The following STARD13 variants were observed in gnomAD, a reference collection of about 807,000 sequenced individuals.
STARD13 encodes stAR-related lipid transfer protein 13.
Under a neutral mutation model 106.4 loss-of-function variants are expected in STARD13, and 62 were observed. The observed-to-expected ratio is 0.58, with a 90% CI of 0.48 to 0.72. STARD13 has a LOEUF of 0.72. Ranked by LOEUF, STARD13 falls within the 30% of genes least tolerant of loss-of-function variation. The probability of loss-of-function intolerance (pLI) is 0.00; values close to 1 mark genes in which losing one functional copy is unlikely to be tolerated. For synonymous variants in STARD13, 565 were observed against 553.0 expected (o/e 1.02, Z -0.31); for missense variants, 1,387 against 1,424.0 (o/e 0.97, Z 0.42).
the STARD13 span, among the ~76,000 whole-genome samples, chr13:33,513,974 TAACCTCTAATA>T: frequency 7.9e-5 from 12 of 152,194 alleles, no homozygotes; most frequent in African/African-American, 2.9e-4. Context: ...AAAAATATTT[TAACCTCTAATA>T]AAATATATCT....
chr13:33,594,599 A>G, the STARD13 span, among the ~76,000 whole-genome samples: 1 of 152,174 alleles, frequency 6.6e-6, no homozygotes, highest in Non-Finnish European at 1.5e-5. Context: ...TTGTTGTGCA[A>G]TCATCACCAT....
At chr13:33,356,531 T>C in the STARD13 span, among the ~76,000 whole-genome samples, 1 of 152,204 alleles carries the variant, frequency 6.6e-6, no homozygotes, top group African/African-American at 2.4e-5. Context: ...CCGCACCTAC[T>C]AGCTGTGTAA....
intron 1 of STARD13, among the ~76,000 whole-genome samples, chr13:33,266,284 A>G (rs1197320996): frequency 6.6e-6 from 1 of 152,250 alleles, no homozygotes; most frequent in Non-Finnish European, 1.5e-5. Context: ...TACATGACAT[A>G]ATTATTGATC....
chr13:33,559,732 C>T, the STARD13 span, among the ~76,000 whole-genome samples: 1 of 151,462 alleles, frequency 6.6e-6, no homozygotes, highest in Non-Finnish European at 1.5e-5. Context: ...TGGCATGCGC[C>T]TGTAGTCCCA....
At chr13:33,290,580 T>C (rs1460141409), upstream of STARD13, among the ~76,000 whole-genome samples, 3 of 152,262 alleles carry the variant, frequency 2.0e-5, no homozygotes. Flanking sequence ...AGCTCTCATC[T>C]GGAGTCCAGA....
chr13:33,162,807 C>A (rs1882789031), intron 3 of STARD13, among the ~76,000 whole-genome samples: 3 of 151,942 alleles, frequency 2.0e-5, no homozygotes, highest in Admixed American at 2.0e-4. Context: ...TCCAAACTTT[C>A]CCACATTTTC....
Position 33,251,360 on chromosome 13 carries a change from G to A in STARD13, c.169+34110C>T, listed in dbSNP as rs138885762. Reference sequence around the variant, plus strand: ...AAGGAAGTATCTGGGCCTTATGCTCGCTGCATTGCCCCTCTTTCCAAGTGA... The same window carrying A: ...AAGGAAGTATCTGGGCCTTATGCTCACTGCATTGCCCCTCTTTCCAAGTGA... On this transcript the variant is annotated intron_variant, in intron 1 of 13. Coordinates refer to ENST00000336934, the MANE Select transcript of STARD13 (RefSeq NM_178006.4). Among the ~76,000 whole-genome samples the A allele has an allele frequency of 5.0e-3, 754 of 152,222 alleles. 1 individual carries two copies. Among genetic ancestry groups the A allele is most frequent in the Non-Finnish European group, 7.2e-3 (487 of 68,018 alleles).
the STARD13 span, among the ~76,000 whole-genome samples, chr13:33,673,605 C>A: frequency 2.8e-5 from 4 of 143,280 alleles, no homozygotes; most frequent in African/African-American, 8.3e-5. Context: ...TGCAGTGGCA[C>A]AATCTTGGCT....
chr13:33,117,434 C>T (rs57815017), intron 8 of STARD13: 355 of 203,180 alleles, frequency 1.7e-3, no homozygotes, highest in African/African-American at 8.1e-3. Context: ...CTAATACCCC[C>T]ATTGCAACCA....
At chr13:33,446,556 A>G in the STARD13 span, among the ~76,000 whole-genome samples, 5 of 152,170 alleles carry the variant, frequency 3.3e-5, no homozygotes, top group African/African-American at 1.2e-4. Context: ...CTATATAAAA[A>G]TCTCAATAAA....
chr13:33,403,558 T>C, the STARD13 span, among the ~76,000 whole-genome samples: 4 of 152,228 alleles, frequency 2.6e-5, no homozygotes, highest in Non-Finnish European at 5.9e-5. Flanking sequence ...GATAGCATGG[T>C]ATTTTTTGAA....
intron 4 of STARD13, among the ~76,000 whole-genome samples, chr13:33,141,950 A>C (rs1249127838): frequency 2.0e-5 from 3 of 152,216 alleles, no homozygotes; most frequent in Non-Finnish European, 4.4e-5. Flanking sequence ...TAATAGACTT[A>C]TTTAGGTGGT....
At chr13:33,375,125 C>A in the STARD13 span, among the ~76,000 whole-genome samples, 1 of 152,106 alleles carries the variant, frequency 6.6e-6, no homozygotes, top group African/African-American at 2.4e-5. Context: ...GAAGATTGAT[C>A]CAGCAGCCAT....
intron 1 of STARD13, among the ~76,000 whole-genome samples, chr13:33,284,885 T>C (rs1891979516): frequency 6.6e-6 from 1 of 152,178 alleles, no homozygotes; most frequent in Admixed American, 6.5e-5. Context: ...GGTTACGGGA[T>C]TTGTTTTGAG....
chr13:33,491,906 G>C, the STARD13 span, among the ~76,000 whole-genome samples: 1 of 152,186 alleles, frequency 6.6e-6, no homozygotes, highest in Non-Finnish European at 1.5e-5. Flanking sequence ...GGCTTTATGT[G>C]AGCAATAAAG....
At chr13:33,326,952 C>T (rs1243072081) in intron 1 of STARD13, among the ~76,000 whole-genome samples, 2 of 152,188 alleles carry the variant, frequency 1.3e-5, no homozygotes, top group African/African-American at 4.8e-5. Flanking sequence ...GTTCCTAAGC[C>T]TGTGTGAACT....
At position 33,211,827 on chromosome 13, in the gene STARD13, A is replaced by ATG. The variant is rs1215767146; in HGVS notation, c.170-44207_170-44206dup. Among the ~76,000 whole-genome samples, 900 of 147,026 alleles carry ATG rather than the reference A, an allele frequency of 6.1e-3. 5 individuals carry two copies. The highest frequency in any genetic ancestry group is 0.015 in the African/African-American group (603 of 39,336). On this transcript the variant is annotated intron_variant, in intron 1 of 13. Coordinates refer to ENST00000336934, the MANE Select transcript of STARD13 (RefSeq NM_178006.4). ...ACTCTGTGTGTGTGTGTGTGTGTGT[A>ATG]TGTGTGTGTGTGTGTGTGTGTATGA...
chr13:33,345,487 A>C (rs947603203), downstream of STARD13, among the ~76,000 whole-genome samples: 56 of 152,196 alleles, frequency 3.7e-4, no homozygotes, highest in Non-Finnish European at 3.1e-4. Context: ...TGATGACCTG[A>C]ATTTGAATCC....
the STARD13 span, among the ~76,000 whole-genome samples, chr13:33,598,825 G>A: frequency 1.3e-5 from 2 of 152,218 alleles, no homozygotes; most frequent in Admixed American, 6.5e-5. Context: ...GCCATGGGGC[G>A]GGAGCTGGGC....
Sources: allele counts gnomAD v4.1 joint callset (sites outside exome capture counted in the v4.1 genomes callset), GRCh38; gene constraint gnomAD v4.1.1; transcripts MANE v1.5; gene names NCBI Gene and HGNC (gene_info 2026-07-23, HGNC 2026-07-21).